The following RIN2 variants were observed in gnomAD, a reference collection of about 807,000 sequenced individuals.
The protein encoded by RIN2 is Ras and Rab interactor 2.
In RIN2, 36 loss-of-function variants were observed where a neutral mutation model predicts 78.0. That is an observed-to-expected ratio of 0.46 (90% CI 0.35 to 0.61). RIN2 has a LOEUF of 0.61. Ranked by LOEUF, RIN2 falls within the 20% of genes least tolerant of loss-of-function variation. RIN2 has a pLI of 0.00. For synonymous variants in RIN2, 466 were observed against 466.8 expected (o/e 1.00, Z 0.02); for missense variants, 1,087 against 1,159.7 (o/e 0.94, Z 0.91).
intron 2 of RIN2, among the ~76,000 whole-genome samples, chr20:19,824,923 G>T (rs2036039946): frequency 6.6e-6 from 1 of 152,136 alleles, no homozygotes; most frequent in Admixed American, 6.5e-5. Flanking sequence ...AGTTGAATGT[G>T]ATGGCTCTCA....
chr20:19,869,081 C>CAAAA (rs11413677), intron 2 of RIN2, among the ~76,000 whole-genome samples: 86 of 76,196 alleles, frequency 1.1e-3, no homozygotes, highest in Middle Eastern at 0.013. Flanking sequence ...GACTCCGTCT[C>CAAAA]AAAAAAAAAA....
intron 9 of RIN2, among the ~76,000 whole-genome samples, chr20:19,989,738 G>A (rs1380871729): frequency 6.6e-6 from 1 of 152,228 alleles, no homozygotes; most frequent in Non-Finnish European, 1.5e-5. Context: ...GGGCATGAAA[G>A]TAATTAAAAC....
At chr20:19,895,446 C>A (rs907667730) in intron 3 of RIN2, among the ~76,000 whole-genome samples, 3 of 152,106 alleles carry the variant, frequency 2.0e-5, no homozygotes, top group African/African-American at 7.2e-5. Flanking sequence ...TGTAGAGTAC[C>A]CCCTTTCTAA....
chr20:19,887,184 T>G (rs545424395), intron 2 of RIN2, among the ~76,000 whole-genome samples: 1,515 of 21,934 alleles, frequency 0.069, 27 homozygotes, highest in African/African-American at 0.32. Flanking sequence ...GCCCATCTAT[T>G]TTTTTTTTTT....
intron 2 of RIN2, among the ~76,000 whole-genome samples, chr20:19,802,095 C>T (rs2035259676): frequency 6.6e-6 from 1 of 152,182 alleles, no homozygotes; most frequent in South Asian, 2.1e-4. Context: ...CATTGGAGAA[C>T]TGATGACCAC....
At chr20:19,781,000 C>A (rs1600437063) in intron 1 of RIN2, among the ~76,000 whole-genome samples, 1 of 152,198 alleles carries the variant, frequency 6.6e-6, no homozygotes, top group Non-Finnish European at 1.5e-5. Flanking sequence ...AGCCACTAAA[C>A]CCACAACCAC....
At chr20:19,781,046 A>C (rs1054526149) in intron 1 of RIN2, among the ~76,000 whole-genome samples, 1 of 152,228 alleles carries the variant, frequency 6.6e-6, no homozygotes. Context: ...TCTCCAGGTG[A>C]TAATGCAGGG....
Position 19,938,900 on chromosome 20 carries a change from T to A in RIN2, c.158+3701T>A, listed in dbSNP as rs6136892. 0.012 allele frequency among the ~76,000 whole-genome samples: 1,805 copies of A among 152,250 alleles called. 84 individuals carry two copies. In the East Asian group the frequency reaches 0.12, roughly 10 times the overall value. ...TAACCAACTGCCCACTCAGGAAGTG[T>A]TCCTTCATAGGTTCATTCCTTCCTG... On this transcript the variant is annotated intron_variant, in intron 4 of 12. Transcript: ENST00000255006.
intron 2 of RIN2, among the ~76,000 whole-genome samples, chr20:19,852,333 A>G (rs1216658678): frequency 6.6e-6 from 1 of 152,194 alleles, no homozygotes; most frequent in South Asian, 2.1e-4. Context: ...CCACTAATTA[A>G]GCTCATGCAA....
chr20:19,895,102 C>A (rs2038661973), intron 3 of RIN2, among the ~76,000 whole-genome samples: 1 of 152,108 alleles, frequency 6.6e-6, no homozygotes, highest in African/African-American at 2.4e-5. Flanking sequence ...AGGCTTTAGA[C>A]CCACTTCATC....
intron 2 of RIN2, among the ~76,000 whole-genome samples, chr20:19,846,729 G>T (rs2036796085): frequency 6.6e-6 from 1 of 152,120 alleles, no homozygotes; most frequent in South Asian, 2.1e-4. Flanking sequence ...TTGCCTGATT[G>T]GCCCAGCCAG....
intron 6 of RIN2, among the ~76,000 whole-genome samples, chr20:19,963,501 T>C (rs2146270025): frequency 6.6e-6 from 1 of 150,688 alleles, no homozygotes; most frequent in Non-Finnish European, 1.5e-5. Flanking sequence ...CCCAGCTACT[T>C]GGGAGGCTTA....
At chr20:19,824,010 C>A in intron 2 of RIN2, 1 of 978,152 alleles carries the variant, frequency 1.0e-6, no homozygotes, top group South Asian at 1.5e-5. Flanking sequence ...ACCTTGGCCT[C>A]CTCCGAGCCG....
At chr20:19,950,543 T>C (rs894136233) in intron 4 of RIN2, among the ~76,000 whole-genome samples, 18 of 152,168 alleles carry the variant, frequency 1.2e-4, no homozygotes, top group Admixed American at 5.2e-4. Flanking sequence ...ATTTTTTTTC[T>C]TTTTAGGGGG....
intron 4 of RIN2, among the ~76,000 whole-genome samples, chr20:19,939,430 C>A (rs1430881972): frequency 6.6e-6 from 1 of 152,234 alleles, no homozygotes; most frequent in African/African-American, 2.4e-5. Context: ...CTGCTTCTAC[C>A]AGTTCCACTT....
intron 2 of RIN2, among the ~76,000 whole-genome samples, chr20:19,883,889 TAAA>T (rs140532587): frequency 1.6e-3 from 225 of 143,700 alleles, no homozygotes; most frequent in Middle Eastern, 0.011. Context: ...ACCACCTTGT[TAAA>T]AAAAAAAAAA....
chr20:19,974,250 T>C (rs749435971), intron 8 of RIN2, among the ~76,000 whole-genome samples: 1 of 152,136 alleles, frequency 6.6e-6, no homozygotes, highest in Non-Finnish European at 1.5e-5. Flanking sequence ...CCAGGAGAAG[T>C]TGTTGGGAAA....
At chr20:19,997,456 G>C (rs2043005303) in intron 12 of RIN2, among the ~76,000 whole-genome samples, 1 of 152,150 alleles carries the variant, frequency 6.6e-6, no homozygotes. Context: ...GTGGGTTAGG[G>C]CTATAGAAAT....
chr20:19,939,890 G>A (rs1251469853), intron 4 of RIN2, among the ~76,000 whole-genome samples: 2 of 146,222 alleles, frequency 1.4e-5, no homozygotes, highest in Non-Finnish European at 3.0e-5. Flanking sequence ...CCACTCTATC[G>A]CCTAGGCTGG....
Sources: gnomAD v4.1 joint callset for allele counts (sites outside exome capture counted in the v4.1 genomes callset) on GRCh38, gnomAD v4.1.1 for gene constraint, MANE v1.5 for transcripts, NCBI Gene and HGNC (gene_info 2026-07-23, HGNC 2026-07-21) for gene names.